PTPRB: variants seen among roughly 807,000 people sequenced by gnomAD.
PTPRB encodes the protein receptor-type tyrosine-protein phosphatase beta.
PTPRB carries 97 observed loss-of-function variants against 238.1 expected under a neutral mutation model. That is an observed-to-expected ratio of 0.41 (90% CI 0.35 to 0.48). The LOEUF is 0.48. PTPRB is among the 20% of genes least tolerant of loss of function. PTPRB has a pLI of 0.30. For synonymous variants in PTPRB, 970 were observed against 995.4 expected, an observed-to-expected ratio of 0.97 and a Z score of 0.48; for missense variants, 2,292 against 2,681.9, an observed-to-expected ratio of 0.85 and a Z score of 3.21.
intron 3 of PTPRB, among the ~76,000 whole-genome samples, chr12:70,615,984 T>C (rs190242303): frequency 3.3e-5 from 5 of 152,310 alleles, no homozygotes; most frequent in African/African-American, 1.2e-4. Context: ...ATCCACAGTC[T>C]ATATTTCAAT....
At position 70,588,603 on chromosome 12, in the gene PTPRB, A is replaced by T. The variant is rs1184204719; in HGVS notation, c.2051-1336T>A. Reference sequence around the variant, plus strand: ...AGCCAAGATCATGCCATTGCACTCCAGCCTGGGCAACAAGAGTGAAACTCT... The same window carrying T: ...AGCCAAGATCATGCCATTGCACTCCTGCCTGGGCAACAAGAGTGAAACTCT... On this transcript the variant is annotated intron_variant, in intron 8 of 33. Coordinates refer to ENST00000334414, the MANE Select transcript of PTPRB (RefSeq NM_001109754.4). Among the ~76,000 whole-genome samples the T allele has an allele frequency of 2.0e-5, 3 of 152,280 alleles. No homozygotes were observed. The East Asian group carries it at 5.8e-4, about 29-fold the overall frequency.
intron 2 of PTPRB, among the ~76,000 whole-genome samples, chr12:70,634,656 T>C (rs1885602248): frequency 6.6e-6 from 1 of 152,184 alleles, no homozygotes; most frequent in Non-Finnish European, 1.5e-5. Context: ...ATGGGGCAAG[T>C]CTGTGGTCAA....
chr12:70,622,704 A>C (rs1884999340), intron 2 of PTPRB, 58 bp from the exon 3 acceptor site: 13 of 1,478,850 alleles, frequency 8.8e-6, no homozygotes, highest in Non-Finnish European at 1.1e-5. Context: ...AATTCTTCAC[A>C]TAAAATCAAT....
At chr12:70,611,095 T>A (rs904410086) in intron 3 of PTPRB, among the ~76,000 whole-genome samples, 2 of 152,184 alleles carry the variant, frequency 1.3e-5, no homozygotes, top group South Asian at 4.1e-4. Context: ...TGGAGCACCA[T>A]CCCTAACAAC....
chr12:70,610,540 G>A (rs1884385455), intron 3 of PTPRB, among the ~76,000 whole-genome samples: 2 of 151,954 alleles, frequency 1.3e-5, no homozygotes, highest in South Asian at 4.2e-4. Context: ...CTTTCCTGAA[G>A]TCTTTTATTA....
intron 5 of PTPRB, among the ~76,000 whole-genome samples, chr12:70,595,318 A>AG (rs1019385820): frequency 1.3e-5 from 2 of 152,138 alleles, no homozygotes; most frequent in Non-Finnish European, 2.9e-5. Context: ...GGGATAAGGA[A>AG]GGGATAGCAT....
At chr12:70,548,467 T>C (rs1876415572) in intron 21 of PTPRB, among the ~76,000 whole-genome samples, 2 of 152,120 alleles carry the variant, frequency 1.3e-5, no homozygotes, top group African/African-American at 4.8e-5. Flanking sequence ...TCTTACTCCA[T>C]TGCTGGCTAC....
chr12:70,635,424 C>G (rs1024326750), intron 2 of PTPRB, among the ~76,000 whole-genome samples: 3 of 151,956 alleles, frequency 2.0e-5, no homozygotes, highest in Non-Finnish European at 4.4e-5. Flanking sequence ...ATAAAAGAAG[C>G]AAGACAAGAA....
chr12:70,622,486 G>A lies in PTPRB; in HGVS notation c.612C>T (p.Ser204=), dbSNP rs1009919131. The A allele has an allele frequency of 6.2e-7, 1 of 1,613,362 alleles. No individual in the cohort carries two copies. The highest frequency in any genetic ancestry group is 1.3e-5 in the African/African-American group (1 of 74,876). Residue 204 remains serine (S), a synonymous_variant, in exon 3 of 34, where the codon AGC becomes AGT. Coordinates refer to ENST00000334414, the MANE Select transcript of PTPRB (RefSeq NM_001109754.4). ...GCAGATTGGGATGCTGCCTCTCGCT[G>A]CTGTTTTGGCTGTAGTTTTCTGCAG... ...RNAAENYSQN[S]SERQHPNLHM...
chr12:70,576,284 C>T, intron 11 of PTPRB, 98 bp downstream of exon 11: 1 of 1,338,208 alleles, frequency 7.5e-7, no homozygotes, highest in Non-Finnish European at 1.0e-6. Context: ...TCTCAAGGGC[C>T]TTTCATCCCA....
chr12:70,576,677 G>GGGGGGGGGGGGT, intron 10 of PTPRB, 32 bp from the exon 11 acceptor site: 1 of 233,644 alleles, frequency 4.3e-6, no homozygotes, highest in Non-Finnish European at 7.9e-6. Flanking sequence ...GGCGGGGGGG[G>GGGGGGGGGGGGT]GGGGGAAGGG....
At position 70,636,034 on chromosome 12, in the gene PTPRB, G is replaced by C. The variant is rs1160446365; in HGVS notation, c.88C>G (p.Gln30Glu). The stretch of plus-strand genomic sequence containing the variant: ...ACTTTCTCATTTTTGAAAAGACACT[G>C]TTGTTTCTGGACATGGACAATCTGA... ...GFQIVHVQKQ[Q>E]CLFKNEKVVV... The change falls in exon 2 of 34, where the codon CAG becomes GAG. Residue 30 changes from glutamine to glutamate, a missense_variant. Transcript: ENST00000334414. 1 of 1,613,268 alleles carries C rather than the reference G, an allele frequency of 6.2e-7. No homozygotes were observed.
At chr12:70,562,022 C>T (rs958590553) in intron 16 of PTPRB, among the ~76,000 whole-genome samples, 3 of 152,240 alleles carry the variant, frequency 2.0e-5, no homozygotes, top group African/African-American at 7.2e-5. Flanking sequence ...CTAATTCCAG[C>T]ACTTTGGGAG....
At chr12:70,593,712 C>T (rs1882725213) in intron 6 of PTPRB, among the ~76,000 whole-genome samples, 1 of 152,042 alleles carries the variant, frequency 6.6e-6, no homozygotes, top group African/African-American at 2.4e-5. Context: ...AAATATCTTT[C>T]CCACCAGCCT....
intron 2 of PTPRB, among the ~76,000 whole-genome samples, chr12:70,622,957 G>A (rs975368448): frequency 6.7e-6 from 1 of 150,202 alleles, no homozygotes; most frequent in African/African-American, 2.5e-5. Context: ...TTAGGGGGGG[G>A]GTCACTGAAT....
intron 14 of PTPRB, among the ~76,000 whole-genome samples, chr12:70,568,728 G>T (rs1879643882): frequency 6.6e-6 from 1 of 152,230 alleles, no homozygotes; most frequent in African/African-American, 2.4e-5. Flanking sequence ...TAAATAAGTG[G>T]TCATGAGAAT....
chr12:70,581,433 T>C (rs1487059250), intron 9 of PTPRB, 131 bp from the exon 10 acceptor site: 7 of 960,058 alleles, frequency 7.3e-6, no homozygotes, highest in Non-Finnish European at 1.1e-5. Flanking sequence ...CTATAGACTC[T>C]CAGTTCTATT....
rs762603921 is a variant in PTPRB at position 70,592,361 on chromosome 12, G to T, written c.1701C>A (p.Val567=). 9.3e-6 allele frequency: 15 copies of T among 1,613,818 alleles called. No individual in the cohort carries two copies. The highest frequency in any genetic ancestry group is 1.3e-5 in the African/African-American group (1 of 74,912). Residue 567 remains valine, a synonymous_variant, in exon 7 of 34, where the codon GTC becomes GTA. Coordinates refer to ENST00000334414, the MANE Select transcript of PTPRB (RefSeq NM_001109754.4). ...WITETHFKEL[V]PGRLYQVTVS... is the part of the protein sequence containing the mutation. ...CAGTAACTTGATAAAGTCGACCGGG[G>T]ACTAACTCTTTAAAGTGAGTTTCAG...
At chr12:70,624,246 T>C (rs943984891) in intron 2 of PTPRB, among the ~76,000 whole-genome samples, 1 of 152,126 alleles carries the variant, frequency 6.6e-6, no homozygotes, top group African/African-American at 2.4e-5. Flanking sequence ...ATTAGTAATA[T>C]ACTTATACTA....
Sources: allele counts gnomAD v4.1 joint callset (sites outside exome capture counted in the v4.1 genomes callset), GRCh38; gene constraint gnomAD v4.1.1; transcripts MANE v1.5; gene names NCBI Gene and HGNC (gene_info 2026-07-23, HGNC 2026-07-21).